Variants in ANKS1B observed in about 807,000 individuals in gnomAD.
The protein encoded by ANKS1B is ankyrin repeat and sterile alpha motif domain-containing protein 1B.
ANKS1B carries 36 observed loss-of-function variants against 148.3 expected under a neutral mutation model. That is an observed-to-expected ratio of 0.24 (90% CI 0.19 to 0.32). The LOEUF is 0.32. ANKS1B is among the 10% of genes least tolerant of loss of function. ANKS1B has a pLI of 1.00. For synonymous variants in ANKS1B, 542 were observed against 560.8 expected (o/e 0.97, Z 0.47); for missense variants, 1,157 against 1,542.6 (o/e 0.75, Z 4.19).
intron 12 of ANKS1B, among the ~76,000 whole-genome samples, chr12:99,310,951 A>C (rs1316212100): frequency 6.6e-6 from 1 of 152,160 alleles, no homozygotes; most frequent in Non-Finnish European, 1.5e-5. Context: ...CCTCACCTTT[A>C]AAACAGGGAA....
At chr12:98,889,850 T>A (rs1175480376) in intron 17 of ANKS1B, among the ~76,000 whole-genome samples, 1 of 152,202 alleles carries the variant, frequency 6.6e-6, no homozygotes, top group Non-Finnish European at 1.5e-5. Context: ...GGTGGTATGT[T>A]TTGTGAATGC....
At chr12:98,974,075 A>G (rs935990331) in intron 17 of ANKS1B, among the ~76,000 whole-genome samples, 2 of 152,150 alleles carry the variant, frequency 1.3e-5, no homozygotes, top group African/African-American at 2.4e-5. Context: ...GAGCTTTTGT[A>G]GGTTATGTAG....
intron 19 of ANKS1B, among the ~76,000 whole-genome samples, chr12:98,813,373 ATT>A (rs34237643): frequency 1.3e-3 from 180 of 135,596 alleles, no homozygotes; most frequent in South Asian, 6.2e-3. Flanking sequence ...CACTTCACCT[ATT>A]TTTTTTTTTT....
chr12:99,085,952 A>C (rs999096006), intron 15 of ANKS1B, among the ~76,000 whole-genome samples: 2 of 152,174 alleles, frequency 1.3e-5, no homozygotes, highest in Non-Finnish European at 2.9e-5. Flanking sequence ...CTGTACAACA[A>C]AGCCCCATGA....
chr12:99,248,223 T>A (rs373079869), intron 12 of ANKS1B, among the ~76,000 whole-genome samples: 1 of 152,202 alleles, frequency 6.6e-6, no homozygotes, highest in African/African-American at 2.4e-5. Flanking sequence ...TACAGGCACA[T>A]CTGCTCTTTA....
chr12:99,326,198 A>C (rs1464956904), intron 12 of ANKS1B, among the ~76,000 whole-genome samples: 2 of 152,198 alleles, frequency 1.3e-5, no homozygotes, highest in African/African-American at 4.8e-5. Flanking sequence ...GTGGGGACAC[A>C]AAACCTAACC....
intron 9 of ANKS1B, among the ~76,000 whole-genome samples, chr12:99,603,729 T>G (rs1225959158): frequency 2.0e-5 from 3 of 152,112 alleles, no homozygotes; most frequent in Non-Finnish European, 4.4e-5. Flanking sequence ...CAAATTGTTA[T>G]AAGCTATAGA....
At chr12:99,242,476 A>G (rs2089527350) in intron 14 of ANKS1B, among the ~76,000 whole-genome samples, 1 of 152,220 alleles carries the variant, frequency 6.6e-6, no homozygotes, top group South Asian at 2.1e-4. Flanking sequence ...ACCCAAGGTA[A>G]TTTATAGATT....
chr12:99,826,239 G>A (rs571908187), intron 1 of ANKS1B, among the ~76,000 whole-genome samples: 11 of 152,240 alleles, frequency 7.2e-5, no homozygotes, highest in Non-Finnish European at 1.2e-4. Context: ...GCACAAAATC[G>A]TAACTCAAGG....
At chr12:99,353,976 T>A (rs1192975500) in intron 12 of ANKS1B, among the ~76,000 whole-genome samples, 1 of 152,092 alleles carries the variant, frequency 6.6e-6, no homozygotes. Context: ...AAAGAAAGGA[T>A]GCATCTATGT....
intron 12 of ANKS1B, among the ~76,000 whole-genome samples, chr12:99,280,711 A>G (rs909207989): frequency 6.6e-6 from 1 of 152,156 alleles, no homozygotes; most frequent in African/African-American, 2.4e-5. Context: ...CTTTGGGCTA[A>G]GATGTTGTTT....
chr12:99,172,540 A>G (rs1483918981), intron 14 of ANKS1B, among the ~76,000 whole-genome samples: 1 of 152,208 alleles, frequency 6.6e-6, no homozygotes, highest in Non-Finnish European at 1.5e-5. Context: ...CTGGTTCAAC[A>G]GCTGACTGGA....
chr12:99,170,041 C>T (rs545120544), intron 14 of ANKS1B, among the ~76,000 whole-genome samples: 5 of 152,192 alleles, frequency 3.3e-5, no homozygotes, highest in Admixed American at 1.3e-4. Context: ...CTTCACCTTA[C>T]ATTCATTATT....
At chr12:99,562,336 T>C (rs571874616) in intron 9 of ANKS1B, among the ~76,000 whole-genome samples, 2 of 152,310 alleles carry the variant, frequency 1.3e-5, no homozygotes, top group South Asian at 4.1e-4. Context: ...ACCAGCTGCA[T>C]TCACCCCTGA....
Position 98,755,108 on chromosome 12 carries a change from C to A in ANKS1B, c.3580-3586G>T, listed in dbSNP as rs540628222. 2.6e-5 allele frequency among the ~76,000 whole-genome samples: 4 copies of A among 152,222 alleles called. No homozygotes were observed. The South Asian group carries it at 8.3e-4, about 32-fold the overall frequency. On this transcript the variant is annotated intron_variant, in intron 25 of 26. Transcript: ENST00000683438. ...GTGCTGTGTTGCCCATCCCGACACA[C>A]CAGGGCCCTTTCGGGGAAACAGATG...
At chr12:99,591,821 T>C (rs746728144) in intron 9 of ANKS1B, among the ~76,000 whole-genome samples, 1 of 152,138 alleles carries the variant, frequency 6.6e-6, no homozygotes, top group Non-Finnish European at 1.5e-5. Context: ...ACCCAATCCC[T>C]AGTCAAAGCC....
intron 17 of ANKS1B, among the ~76,000 whole-genome samples, chr12:98,897,654 A>G (rs779212486): frequency 1.3e-5 from 2 of 152,234 alleles, no homozygotes; most frequent in Non-Finnish European, 2.9e-5. Context: ...GGAAAATAGT[A>G]TAGGGATTTC....
chr12:99,883,105 GGTAA>G (rs1290021204), intron 1 of ANKS1B, among the ~76,000 whole-genome samples: 1 of 152,060 alleles, frequency 6.6e-6, no homozygotes, highest in African/African-American at 2.4e-5. Flanking sequence ...TAAATTTCTG[GGTAA>G]ATATAATAGA....
intron 15 of ANKS1B, among the ~76,000 whole-genome samples, chr12:99,128,961 T>C (rs1458729240): frequency 6.6e-6 from 1 of 152,164 alleles, no homozygotes; most frequent in Non-Finnish European, 1.5e-5. Flanking sequence ...GAATGGCCTA[T>C]GTCTAATTCT....
Sources: allele counts gnomAD v4.1 joint callset (sites outside exome capture counted in the v4.1 genomes callset), GRCh38; gene constraint gnomAD v4.1.1; transcripts MANE v1.5; gene names NCBI Gene and HGNC (gene_info 2026-07-23, HGNC 2026-07-21).